Variants in EHBP1 observed in about 807,000 individuals in gnomAD.
The protein encoded by EHBP1 is EH domain binding protein 1.
EHBP1 carries 55 observed loss-of-function variants against 144.0 expected under a neutral mutation model. The observed-to-expected ratio is 0.38, with a 90% CI of 0.31 to 0.48. The LOEUF (loss-of-function observed/expected upper bound fraction) is 0.48, where lower values mean the gene tolerates loss of function less well. EHBP1 is among the 20% of genes least tolerant of loss of function. EHBP1 has a pLI of 0.98. For synonymous variants in EHBP1, 469 were observed against 472.7 expected (o/e 0.99, Z 0.10); for missense variants, 1,200 against 1,364.2 (o/e 0.88, Z 1.90).
At chr2:62,929,333 A>G (rs964634366) in intron 10 of EHBP1, among the ~76,000 whole-genome samples, 2 of 152,212 alleles carry the variant, frequency 1.3e-5, no homozygotes, top group African/African-American at 2.4e-5. Context: ...CCTCAATGTC[A>G]TACTAGCAAA....
chr2:62,830,857 A>G (rs1319976776), intron 6 of EHBP1, among the ~76,000 whole-genome samples, 162 bp from the exon 7 acceptor site: 1 of 152,226 alleles, frequency 6.6e-6, no homozygotes. Flanking sequence ...TTAAAAATTA[A>G]TGAATATGAG....
chr2:62,690,994 C>G (rs1014306741), intron 1 of EHBP1, among the ~76,000 whole-genome samples: 1 of 152,198 alleles, frequency 6.6e-6, no homozygotes, highest in Non-Finnish European at 1.5e-5. Context: ...TTTGGAAGAT[C>G]AAATCAAGAG....
At chr2:62,891,470 A>G (rs1307375178) in intron 10 of EHBP1, among the ~76,000 whole-genome samples, 1 of 152,114 alleles carries the variant, frequency 6.6e-6, no homozygotes, top group East Asian at 1.9e-4. Context: ...TCATAGCACA[A>G]TTGAGTTAAT....
intron 10 of EHBP1, among the ~76,000 whole-genome samples, chr2:62,896,688 A>AC (rs1459665891): frequency 6.6e-6 from 1 of 151,682 alleles, no homozygotes; most frequent in Non-Finnish European, 1.5e-5. Context: ...CTTTAAAAAA[A>AC]AAAAAAACAA....
intron 19 of EHBP1, among the ~76,000 whole-genome samples, chr2:63,031,883 C>T (rs907939733): frequency 6.6e-6 from 1 of 152,014 alleles, no homozygotes; most frequent in South Asian, 2.1e-4. Flanking sequence ...GAGCTGAGAT[C>T]GTGTCACTGC....
chr2:62,920,519 A>T lies in EHBP1; in HGVS notation c.1186-22199A>T, dbSNP rs369354214. On this transcript the variant is annotated intron_variant, in intron 10 of 22. Transcript: ENST00000431489. The stretch of plus-strand genomic sequence containing the variant: ...AAATGAAAGGGTATTAGTAACCCAA[A>T]GACATGTAAAATAATAAAGATCCCA... Among the ~76,000 whole-genome samples the T allele has an allele frequency of 5.3e-5, 8 of 152,334 alleles. No individual in the cohort carries two copies. The South Asian group carries it at 1.0e-3, about 20-fold the overall frequency.
At chr2:62,985,737 CTA>C (rs991541490) in intron 15 of EHBP1, among the ~76,000 whole-genome samples, 2 of 152,142 alleles carry the variant, frequency 1.3e-5, no homozygotes, top group African/African-American at 4.8e-5. Context: ...TCTTGAAATT[CTA>C]TACATTTCTC....
chr2:62,869,384 C>T (rs945429696), intron 9 of EHBP1, among the ~76,000 whole-genome samples: 1 of 152,194 alleles, frequency 6.6e-6, no homozygotes, highest in East Asian at 1.9e-4. Flanking sequence ...AAAATGGGAA[C>T]AATTCAAATA....
At position 62,705,967 on chromosome 2, in the gene EHBP1, C is replaced by T; in HGVS notation, c.-381C>T. On this transcript the variant is annotated 5_prime_UTR_variant, in exon 1 of 23. Transcript: ENST00000431489. Reference sequence around the variant, plus strand: ...CCGGCGGGGATGGAGGACTCGGTGGCGGCGGCGGCTGCTGCTGCGGCGGCG... The same window carrying T: ...CCGGCGGGGATGGAGGACTCGGTGGTGGCGGCGGCTGCTGCTGCGGCGGCG... The T allele has an allele frequency of 6.0e-6, 1 of 165,816 alleles. No homozygotes were observed. The highest frequency in any genetic ancestry group is 1.3e-5 in the Non-Finnish European group (1 of 78,864). The allele number at this position is 165,816 out of a possible 1,614,324, so 10.3% of individuals were successfully genotyped here.
chr2:62,686,787 C>T (rs1199576469), intron 1 of EHBP1, among the ~76,000 whole-genome samples: 1 of 152,192 alleles, frequency 6.6e-6, no homozygotes, highest in Non-Finnish European at 1.5e-5. Flanking sequence ...ATGTTTGAAT[C>T]CTTTCGGCCA....
intron 15 of EHBP1, among the ~76,000 whole-genome samples, chr2:62,986,886 T>C (rs1321836948): frequency 1.3e-5 from 2 of 152,140 alleles, no homozygotes; most frequent in Non-Finnish European, 2.9e-5. Context: ...ATGTACTTTT[T>C]CAGAAAGGGA....
At chr2:62,749,546 T>C (rs1382678239) in intron 3 of EHBP1, among the ~76,000 whole-genome samples, 5 of 152,192 alleles carry the variant, frequency 3.3e-5, no homozygotes, top group South Asian at 2.1e-4. Flanking sequence ...TTCTAGATCC[T>C]TGAGGAATCG....
chr2:62,829,813 G>A (rs1429637196), intron 6 of EHBP1, among the ~76,000 whole-genome samples: 1 of 146,384 alleles, frequency 6.8e-6, no homozygotes, highest in Non-Finnish European at 1.5e-5. Flanking sequence ...TCCTGCAATA[G>A]TGGCCATAAT....
In EHBP1 at chr2:62,990,760, G is replaced by A. The variant is rs1165698082; in HGVS notation, c.2653G>A (p.Glu885Lys). 9 of 1,613,906 alleles carry A rather than the reference G, an allele frequency of 5.6e-6. No homozygotes were observed. In the South Asian group the frequency reaches 8.8e-5, roughly 16 times the overall value. Residue 885 changes from glutamate to lysine, a missense_variant, in exon 16 of 23, where the codon GAA (glutamate) becomes AAA (lysine). Around this residue, in one of 6 missense-constraint regions of EHBP1, gnomAD observed 543 missense variants for 513.1 expected, o/e 1.06. Transcript: ENST00000431489. ...LVDLKLKKLLEVQPQVANSPS... is the reference protein window; with the variant it reads ...LVDLKLKKLLKVQPQVANSPS... Reference sequence around the variant, plus strand: ...GGACTTGAAGCTGAAGAAGCTCCTAGAAGTTCAGCCACAGGTGGCAAATTC... The same window carrying A: ...GGACTTGAAGCTGAAGAAGCTCCTAAAAGTTCAGCCACAGGTGGCAAATTC...
chr2:62,789,044 T>C (rs1040663041), intron 5 of EHBP1, among the ~76,000 whole-genome samples: 1 of 152,146 alleles, frequency 6.6e-6, no homozygotes, highest in Non-Finnish European at 1.5e-5. Context: ...TCATGAAGAG[T>C]TAAACCTTAG....
chr2:63,026,271 A>C (rs1487293693), intron 19 of EHBP1, among the ~76,000 whole-genome samples: 1 of 143,832 alleles, frequency 7.0e-6, no homozygotes, highest in Non-Finnish European at 1.5e-5. Flanking sequence ...CCGAAGTTTG[A>C]GTAATGAATA....
At chr2:62,734,681 G>A (rs1277762546) in intron 2 of EHBP1, among the ~76,000 whole-genome samples, 1 of 151,968 alleles carries the variant, frequency 6.6e-6, no homozygotes. Context: ...TACCTTATTT[G>A]TTACTGTTCT....
intron 5 of EHBP1, among the ~76,000 whole-genome samples, chr2:62,811,746 C>T (rs1488826309): frequency 6.6e-6 from 1 of 152,162 alleles, no homozygotes; most frequent in Non-Finnish European, 1.5e-5. Flanking sequence ...AAGGTCTCTT[C>T]TAATGATTTT....
At chr2:62,740,849 T>C (rs1439256970) in intron 2 of EHBP1, among the ~76,000 whole-genome samples, 2 of 152,132 alleles carry the variant, frequency 1.3e-5, no homozygotes, top group South Asian at 2.1e-4. Flanking sequence ...TGAAAACTGA[T>C]AGGACATAAA....
Sources: allele counts gnomAD v4.1 joint callset (sites outside exome capture counted in the v4.1 genomes callset), GRCh38; gene constraint gnomAD v4.1.1; regional missense constraint gnomAD v4.1.1; transcripts MANE v1.5; gene names NCBI Gene and HGNC (gene_info 2026-07-23, HGNC 2026-07-21).